CELF2: variants seen among roughly 807,000 people sequenced by gnomAD.
CELF2 encodes the protein CUGBP Elav-like family member 2.
CELF2 carries 8 observed loss-of-function variants against 62.6 expected under a neutral mutation model. The observed-to-expected ratio is 0.13, with a 90% confidence interval of 0.07 to 0.23. The LOEUF is 0.23. Among genes scored for constraint, CELF2 ranks in the 10% least tolerant of loss-of-function variants. The pLI is 1.00. For synonymous variants in CELF2, 258 were observed against 250.0 expected (o/e 1.03, Z -0.30); for missense variants, 333 against 671.0 (o/e 0.50, Z 5.56).
At chr10:11,141,022 AT>A (rs1479283344) in intron 1 of CELF2, among the ~76,000 whole-genome samples, 1 of 152,244 alleles carries the variant, frequency 6.6e-6, no homozygotes, top group Non-Finnish European at 1.5e-5. Context: ...TCTTAAAAAA[AT>A]AAAGCATAGT....
In CELF2 at chr10:11,249,179, T is replaced by C. The variant is rs2076426650; in HGVS notation, c.381T>C (p.Pro127=). 5 of 1,613,728 alleles carry C rather than the reference T, an allele frequency of 3.1e-6. No individual in the cohort carries two copies. The highest frequency in any genetic ancestry group is 4.2e-6 in the Non-Finnish European group (5 of 1,179,566). Reference sequence around the variant, plus strand: ...TGCATCATCCCATTCAGATGAAACCTGCAGATAGTGAAAAGTCCAACGGTA... The same window carrying C: ...TGCATCATCCCATTCAGATGAAACCCGCAGATAGTGAAAAGTCCAACGGTA... ...PGMHHPIQMK[P]ADSEKSNAVE... is the part of the protein sequence containing the mutation. Residue 127 remains proline (P), a synonymous_variant, in exon 4 of 13, where the codon CCT becomes CCC. Coordinates refer to ENST00000633077, the MANE Select transcript of CELF2 (RefSeq NM_001326342.2).
intron 2 of CELF2, among the ~76,000 whole-genome samples, chr10:10,943,020 A>G (rs2047217891): frequency 6.6e-6 from 1 of 152,194 alleles, no homozygotes. Context: ...CGGGATGCCC[A>G]TGGAATTGAA....
chr10:10,829,085 A>C (rs2057641079), intron 1 of CELF2, among the ~76,000 whole-genome samples: 1 of 152,206 alleles, frequency 6.6e-6, no homozygotes, highest in Non-Finnish European at 1.5e-5. Context: ...TAAACCCACA[A>C]AGATGATCTC....
the CELF2 span, among the ~76,000 whole-genome samples, chr10:10,736,925 G>A: frequency 1.1e-3 from 170 of 152,166 alleles, no homozygotes; most frequent in African/African-American, 1.9e-3. Flanking sequence ...TCCAAATGGC[G>A]CAACTTAATC....
chr10:10,572,967 A>G, the CELF2 span, among the ~76,000 whole-genome samples: 1 of 152,204 alleles, frequency 6.6e-6, no homozygotes, highest in African/African-American at 2.4e-5. Context: ...ACTAATTTAC[A>G]TTCCCACCAG....
the CELF2 span, among the ~76,000 whole-genome samples, chr10:10,712,048 T>C: frequency 6.7e-6 from 1 of 149,916 alleles, no homozygotes; most frequent in African/African-American, 2.5e-5. Flanking sequence ...ATAGAATAGT[T>C]TGGGAGCCAC....
At chr10:10,704,137 T>C in the CELF2 span, among the ~76,000 whole-genome samples, 6 of 152,224 alleles carry the variant, frequency 3.9e-5, no homozygotes, top group African/African-American at 1.4e-4. Context: ...AGATTTAATG[T>C]CTTGAGTCCT....
At chr10:11,195,226 G>A (rs2057142461) in intron 2 of CELF2, among the ~76,000 whole-genome samples, 1 of 152,214 alleles carries the variant, frequency 6.6e-6, no homozygotes, top group Non-Finnish European at 1.5e-5. Context: ...CCTCTTGCGA[G>A]ACTATCCTCC....
At chr10:11,259,773 A>G (rs1337123422) in intron 5 of CELF2, among the ~76,000 whole-genome samples, 1 of 152,224 alleles carries the variant, frequency 6.6e-6, no homozygotes, top group Non-Finnish European at 1.5e-5. Context: ...TCTTCATCAT[A>G]TATATGTCCA....
At chr10:11,091,046 A>G (rs2048179200) in intron 1 of CELF2, among the ~76,000 whole-genome samples, 1 of 152,214 alleles carries the variant, frequency 6.6e-6, no homozygotes, top group African/African-American at 2.4e-5. Context: ...AGACTTAAAT[A>G]TCAATTATGA....
the CELF2 span, among the ~76,000 whole-genome samples, chr10:10,578,450 G>C: frequency 2.0e-5 from 3 of 152,136 alleles, no homozygotes; most frequent in Admixed American, 1.3e-4. Context: ...CCTATGTCCT[G>C]AATGGTGTTG....
At chr10:10,902,935 GAGGA>G (rs1158582159) in intron 1 of CELF2, among the ~76,000 whole-genome samples, 16 of 133,382 alleles carry the variant, frequency 1.2e-4, no homozygotes, top group African/African-American at 3.9e-4. Context: ...GGAAAAGCGG[GAGGA>G]AGGAAGGGAG....
chr10:11,113,015 T>C (rs1343333268), intron 1 of CELF2, among the ~76,000 whole-genome samples: 2 of 152,202 alleles, frequency 1.3e-5, no homozygotes, highest in South Asian at 2.1e-4. Flanking sequence ...GTAAACGCAA[T>C]GCATTTCCAC....
chr10:10,976,157 G>A (rs1025914227), intron 2 of CELF2, among the ~76,000 whole-genome samples: 1 of 152,158 alleles, frequency 6.6e-6, no homozygotes, highest in Non-Finnish European at 1.5e-5. Flanking sequence ...GGTTTCCACT[G>A]GTGTCTTAAC....
chr10:10,972,543 T>C lies in CELF2; in HGVS notation c.89+52544T>C, dbSNP rs1006284841. On this transcript the variant is annotated intron_variant, in intron 2 of 13. Coordinates refer to the CELF2 transcript ENST00000636488. This position sits in a 1 kb window ranked among gnomAD's most constrained non-coding sequence, Gnocchi z 4.4. ...TTTCTGCTTTGACCCACTGCTCTTC[T>C]TTCTATATATTTACTCCCTGGCTGA... is the stretch of plus-strand genomic sequence containing the variant. Among the ~76,000 whole-genome samples the C allele has an allele frequency of 2.6e-5, 4 of 152,194 alleles. No individual in the cohort carries two copies. Among genetic ancestry groups the C allele is most frequent in the African/African-American group, 9.7e-5 (4 of 41,440 alleles).
chr10:10,716,919 C>T, the CELF2 span, among the ~76,000 whole-genome samples: 2,330 of 152,182 alleles, frequency 0.015, 107 homozygotes, highest in South Asian at 0.087. Flanking sequence ...CTAATCAATA[C>T]CAGTGAAATG....
chr10:10,540,993 TCCAG>T, the CELF2 span, among the ~76,000 whole-genome samples: 1 of 152,006 alleles, frequency 6.6e-6, no homozygotes, highest in Non-Finnish European at 1.5e-5. Context: ...GCCACTGCAC[TCCAG>T]CCTGGGCGAC....
rs149056586 is a variant in CELF2 at position 10,851,544 on chromosome 10, G to C, written c.53+52727G>C. 2.0e-5 allele frequency among the ~76,000 whole-genome samples: 3 copies of C among 152,272 alleles called. No individual in the cohort carries two copies. In the East Asian group the frequency reaches 5.8e-4, roughly 29 times the overall value. On this transcript the variant is annotated intron_variant, in intron 1 of 13. Transcript: ENST00000636488. ...ACCTTGTGTAGGCAAAGATTTCTTA[G>C]ATATGAAGCTAATACTGTGATCCAA...
At chr10:10,730,103 A>G in the CELF2 span, among the ~76,000 whole-genome samples, 2 of 152,182 alleles carry the variant, frequency 1.3e-5, no homozygotes, top group Admixed American at 1.3e-4. Context: ...AATAAAATTT[A>G]CTAGGGGACT....
Sources: gnomAD v4.1 joint callset for allele counts (sites outside exome capture counted in the v4.1 genomes callset) on GRCh38, gnomAD v4.1.1 for gene constraint, Gnocchi (gnomAD v3.1) non-coding constraint, MANE v1.5 for transcripts, NCBI Gene and HGNC (gene_info 2026-07-23, HGNC 2026-07-21) for gene names.